The following NAA60 variants were observed in gnomAD, a reference collection of about 807,000 sequenced individuals.
NAA60 encodes the protein N-alpha-acetyltransferase 60, NatF catalytic subunit, also known as N-alpha-acetyltransferase 60.
NAA60 carries 8 observed loss-of-function variants against 26.1 expected under a neutral mutation model. That is an observed-to-expected ratio of 0.31 (90% confidence interval 0.18 to 0.55). NAA60 has a LOEUF of 0.55. NAA60 is among the 20% of genes least tolerant of loss of function. The probability of loss-of-function intolerance (pLI) is 0.93; values close to 1 mark genes in which losing one functional copy is unlikely to be tolerated. For missense variants in NAA60, 290 were observed against 311.3 expected (o/e 0.93, Z 0.51); for synonymous variants, 131 against 122.5 (o/e 1.07, Z -0.46).
chr16:3,445,430 C>T (rs1362628566), intron 1 of NAA60, among the ~76,000 whole-genome samples: 1 of 151,722 alleles, frequency 6.6e-6, no homozygotes, highest in Admixed American at 6.6e-5. Context: ...CCCGCCACCA[C>T]GTCCGGCTAA....
intron 6 of NAA60, 79 bp downstream of exon 6, chr16:3,483,676 TG>T: frequency 8.9e-7 from 1 of 1,117,486 alleles, no homozygotes; most frequent in East Asian, 2.4e-5. Flanking sequence ...GTTGGAGCTG[TG>T]GTCCCCCTCA....
intron 2 of NAA60, among the ~76,000 whole-genome samples, chr16:3,475,612 G>A (rs538861984): frequency 2.0e-5 from 3 of 152,248 alleles, no homozygotes; most frequent in East Asian, 3.9e-4. Context: ...TCGTGACCCC[G>A]ACTTGAACTG....
intron 2 of NAA60, among the ~76,000 whole-genome samples, chr16:3,474,329 T>G (rs1056989982): frequency 2.6e-5 from 4 of 152,106 alleles, no homozygotes. Context: ...AAGGCTGGTG[T>G]AGAGGGGCAC....
chr16:3,449,509 C>T (rs1045483046), intron 2 of NAA60, among the ~76,000 whole-genome samples: 2 of 152,000 alleles, frequency 1.3e-5, no homozygotes, highest in Non-Finnish European at 2.9e-5. Flanking sequence ...CAGAGCAAGA[C>T]TCTGTCTCAG....
At chr16:3,476,586 G>A (rs947775872) in intron 3 of NAA60, among the ~76,000 whole-genome samples, 28 of 152,178 alleles carry the variant, frequency 1.8e-4, no homozygotes, top group Admixed American at 1.6e-3. Flanking sequence ...CAGAGCTATC[G>A]GGTGTGGTGC....
At chr16:3,484,242 A>G (rs2151023282) in intron 6 of NAA60, among the ~76,000 whole-genome samples, 1 of 152,318 alleles carries the variant, frequency 6.6e-6, no homozygotes, top group Non-Finnish European at 1.5e-5. Flanking sequence ...TAAGCAGGAA[A>G]GAGAGGGGTG....
At chr16:3,450,699 C>CAAAAAA (rs539095336) in intron 2 of NAA60, among the ~76,000 whole-genome samples, 21 of 73,608 alleles carry the variant, frequency 2.9e-4, no homozygotes, top group Non-Finnish European at 3.6e-4. Flanking sequence ...GACTCCGTCT[C>CAAAAAA]AAAAAAAAAA....
At chr16:3,483,765 T>G (rs2036994559) in intron 6 of NAA60, 168 bp downstream of exon 6, 1 of 624,206 alleles carries the variant, frequency 1.6e-6, no homozygotes, top group Non-Finnish European at 2.8e-6. Context: ...TGACACACAT[T>G]TGGGTAAATC....
intron 2 of NAA60, among the ~76,000 whole-genome samples, chr16:3,475,062 T>C (rs2036391657): frequency 6.6e-6 from 1 of 150,930 alleles, no homozygotes; most frequent in African/African-American, 2.4e-5. Flanking sequence ...ATTACAGGCA[T>C]GAGCCACCAC....
intron 2 of NAA60, among the ~76,000 whole-genome samples, chr16:3,454,527 T>TA (rs1000488448): frequency 9.2e-5 from 14 of 151,376 alleles, no homozygotes; most frequent in Non-Finnish European, 1.6e-4. Flanking sequence ...CCAAAAAGCT[T>TA]AAAAAAAAAT....
At chr16:3,458,763 C>G (rs977641414) in intron 2 of NAA60, among the ~76,000 whole-genome samples, 4 of 152,196 alleles carry the variant, frequency 2.6e-5, no homozygotes, top group African/African-American at 7.2e-5. Context: ...AAATTCCTTA[C>G]GTTCCTGGCC....
intron 6 of NAA60, chr16:3,483,882 G>A (rs1276232107): frequency 1.2e-5 from 5 of 428,750 alleles, no homozygotes; most frequent in South Asian, 2.7e-5. Flanking sequence ...CATGAGCCCT[G>A]CACCCAGCTG....
At chr16:3,450,506 C>T (rs2150946930) in intron 2 of NAA60, among the ~76,000 whole-genome samples, 1 of 152,086 alleles carries the variant, frequency 6.6e-6, no homozygotes, top group East Asian at 1.9e-4. Flanking sequence ...CGAGACCATC[C>T]TGGCTAACAT....
chr16:3,462,357 A>C (rs748098292), intron 2 of NAA60, among the ~76,000 whole-genome samples: 3 of 152,108 alleles, frequency 2.0e-5, no homozygotes, highest in Admixed American at 1.3e-4. Flanking sequence ...TATTTCCCTC[A>C]TTCCTTTGGT....
At chr16:3,466,449 T>C (rs1219303447) in intron 2 of NAA60, among the ~76,000 whole-genome samples, 2 of 152,228 alleles carry the variant, frequency 1.3e-5, no homozygotes, top group African/African-American at 2.4e-5. Flanking sequence ...AAACAAGCCA[T>C]GCGCAGTGTT....
At position 3,484,970 on chromosome 16, in the gene NAA60, C is replaced by G; in HGVS notation, c.*115C>G. 6.5e-7 allele frequency: 1 copy of G among 1,529,924 alleles called. No homozygotes were observed. Among genetic ancestry groups the G allele is most frequent in the South Asian group, 1.2e-5 (1 of 83,878 alleles). The allele number at this position is 1,529,924 out of a possible 1,614,324, so 94.8% of individuals were successfully genotyped here. A position where few individuals can be genotyped will look rare whatever the true frequency, so the allele number is the denominator to read the frequency against. On this transcript the variant is annotated 3_prime_UTR_variant, in exon 7 of 8. Transcript: ENST00000407558. ...AGGAGCTGCCAGCCATCTAACTGGG[C>G]TCGTCGGCCTGCCCCAGCTGCAGGC...
chr16:3,461,076 TTTTAGCATGAC>T (rs1387194637), intron 2 of NAA60, among the ~76,000 whole-genome samples: 1 of 152,182 alleles, frequency 6.6e-6, no homozygotes, highest in Non-Finnish European at 1.5e-5. Context: ...ATATCATTCT[TTTTAGCATGAC>T]CTCTGATAGG....
intron 5 of NAA60, chr16:3,482,955 G>T: frequency 4.2e-6 from 2 of 471,346 alleles, no homozygotes; most frequent in East Asian, 3.8e-5. Flanking sequence ...GCGTGAACAC[G>T]CACGAGGAAG....
Position 3,485,754 on chromosome 16 carries a change from C to T in NAA60, c.*494C>T. 1 of 445,448 alleles carries T rather than the reference C, an allele frequency of 2.2e-6. No individual in the cohort carries two copies. The highest frequency in any genetic ancestry group is 4.5e-6 in the Non-Finnish European group (1 of 219,864). The allele number at this position is 445,448 out of a possible 1,614,324, so 27.6% of individuals were successfully genotyped here. On this transcript the variant is annotated 3_prime_UTR_variant, in exon 8 of 8. Coordinates refer to ENST00000407558, the MANE Select transcript of NAA60 (RefSeq NM_001083601.3). ...GGCGCAATAAAGGGAATGGCCCGTC[C>T]CCTTCCAGAACCAGCCCAAAGAAGC...
Sources: allele counts gnomAD v4.1 joint callset (sites outside exome capture counted in the v4.1 genomes callset), GRCh38; gene constraint gnomAD v4.1.1; transcripts MANE v1.5; gene names NCBI Gene and HGNC (gene_info 2026-07-23, HGNC 2026-07-21).